Variants in NUP210 observed in about 807,000 individuals in gnomAD.
NUP210 encodes the protein nucleoporin 210.
In NUP210, 151 loss-of-function variants were observed where a neutral mutation model predicts 196.0. The ratio of observed to expected loss-of-function variants is 0.77; its 90% CI spans 0.67 to 0.88. NUP210 has a LOEUF of 0.88. NUP210 is among the 40% of genes least tolerant of loss of function. The pLI is 0.00. For synonymous variants in NUP210, 1,070 were observed against 1,052.7 expected, an observed-to-expected ratio of 1.02 and a Z score of -0.32; for missense variants, 2,314 against 2,493.7, an observed-to-expected ratio of 0.93 and a Z score of 1.53.
At chr3:13,318,164 G>A (rs976153080) in intron 39 of NUP210, among the ~76,000 whole-genome samples, 5 of 152,318 alleles carry the variant, frequency 3.3e-5, no homozygotes, top group African/African-American at 7.2e-5. Context: ...GCAGTGCTCC[G>A]GAGACCTTGC....
chr3:13,415,917 G>C (rs1449482217), intron 1 of NUP210, among the ~76,000 whole-genome samples: 4 of 152,280 alleles, frequency 2.6e-5, no homozygotes, highest in Non-Finnish European at 5.9e-5. Flanking sequence ...AGCTTCCCCT[G>C]CTGGGGCAGG....
At chr3:13,318,428 G>A (rs953456313) in intron 39 of NUP210, among the ~76,000 whole-genome samples, 4 of 152,230 alleles carry the variant, frequency 2.6e-5, no homozygotes, top group African/African-American at 9.6e-5. Flanking sequence ...AAAAATTCAG[G>A]GACCCCCCTG....
In NUP210 at chr3:13,341,841, G is replaced by A. The variant is rs2124861924; in HGVS notation, c.3135C>T (p.Leu1045=). Residue 1045 remains leucine, a synonymous_variant, in exon 23 of 40, where the codon CTC becomes CTT. Transcript: ENST00000254508. ...EALDNYTITF[L]IRGVAIGQTS... ...TCTGGCCGATGGCCACACCGCGGATGAGGAATGTGATGGTGTAGTTGTCAA... is the reference window on the plus strand; with the variant it reads ...TCTGGCCGATGGCCACACCGCGGATAAGGAATGTGATGGTGTAGTTGTCAA... 1 of 1,614,202 alleles carries A rather than the reference G, an allele frequency of 6.2e-7. No homozygotes were observed. Among genetic ancestry groups the A allele is most frequent in the Non-Finnish European group, 8.5e-7 (1 of 1,180,040 alleles).
rs750018694 is a variant in NUP210 at position 13,340,040 on chromosome 3, G to C, written c.3292-7C>G. 71 of 1,612,444 alleles carry C rather than the reference G, an allele frequency of 4.4e-5. No homozygotes were observed. Among genetic ancestry groups the C allele is most frequent in the Non-Finnish European group, 5.8e-5 (68 of 1,179,088 alleles). On this transcript the variant is annotated splice_region_variant and splice_polypyrimidine_tract_variant and intron_variant, in intron 24 of 39. Transcript: ENST00000254508. This position sits in a 1 kb window ranked among gnomAD's most constrained non-coding sequence, Gnocchi z 4.0. ...GGCCGCCCTCGGAGGTGACCTGAGC[G>C]GGGAGGAAACAGCGGCGTGTCAGTG... is the stretch of plus-strand genomic sequence containing the variant.
In NUP210 at chr3:13,340,013, G is replaced by C. The variant is rs752689833; in HGVS notation, c.3312C>G (p.Pro1104=). ...ATMQVTSEGG[P]QPQSNILFSI... is the part of the protein sequence containing the mutation. ...AGAAAAGGATGTTGGACTGAGGCTG[G>C]GGGCCGCCCTCGGAGGTGACCTGAG... is the stretch of plus-strand genomic sequence containing the variant. Residue 1104 remains proline (P), a synonymous_variant, in exon 25 of 40, where the codon CCC becomes CCG. Transcript: ENST00000254508. This position sits in a 1 kb window ranked among gnomAD's most constrained non-coding sequence, Gnocchi z 4.0. 6.2e-7 allele frequency: 1 copy of C among 1,613,970 alleles called. No homozygotes were observed. The highest frequency in any genetic ancestry group is 2.2e-5 in the East Asian group (1 of 44,890).
In NUP210 at chr3:13,371,021, G is replaced by A. The variant is rs112523451; in HGVS notation, c.1786+813C>T. On this transcript the variant is annotated intron_variant, in intron 13 of 39. Coordinates refer to ENST00000254508, the MANE Select transcript of NUP210 (RefSeq NM_024923.4). ...CCCACCTCTGGGCCCTGGTACAGGCGCCCCTGCTCACCAAATGGTGTCCCT... is the reference window on the plus strand; with the variant it reads ...CCCACCTCTGGGCCCTGGTACAGGCACCCCTGCTCACCAAATGGTGTCCCT... Among the ~76,000 whole-genome samples, 192 of 152,330 alleles carry A rather than the reference G, an allele frequency of 1.3e-3. 1 individual carries two copies. The highest frequency in any genetic ancestry group is 4.2e-3 in the African/African-American group (176 of 41,580).
chr3:13,404,128 C>T (rs1699927599), intron 1 of NUP210, among the ~76,000 whole-genome samples: 2 of 152,194 alleles, frequency 1.3e-5, no homozygotes, highest in Admixed American at 6.5e-5. Context: ...ATTTTGAGCC[C>T]ACCCATAGCT....
chr3:13,355,628 T>C (rs866223968), intron 16 of NUP210, among the ~76,000 whole-genome samples: 11 of 152,214 alleles, frequency 7.2e-5, no homozygotes, highest in Admixed American at 3.9e-4. Context: ...CCCAACTCCT[T>C]CTAGCTCTCT....
At position 13,337,932 on chromosome 3, in the gene NUP210, TGGCACTTAGGTGTGGGGATGC is replaced by T. The variant is rs1184293324; in HGVS notation, c.3472-36_3472-16del. 3 of 1,611,024 alleles carry T rather than the reference TGGCACTTAGGTGTGGGGATGC, an allele frequency of 1.9e-6. No homozygotes were observed. On this transcript the variant is annotated splice_polypyrimidine_tract_variant and intron_variant, in intron 25 of 39. Coordinates refer to ENST00000254508, the MANE Select transcript of NUP210 (RefSeq NM_024923.4). ...TGCACGAGGTCCTGGGGAAACAGGG[TGGCACTTAGGTGTGGGGATGC>T]AGTGCTGGCCAGGGATGTTTCAGGA... is the stretch of plus-strand genomic sequence containing the variant.
intron 12 of NUP210, 76 bp downstream of exon 12, chr3:13,373,642 C>A: frequency 6.7e-7 from 1 of 1,496,448 alleles, no homozygotes; most frequent in South Asian, 1.2e-5. Context: ...TGAGTGAAGT[C>A]GAGGCTTGCT....
intron 27 of NUP210, 143 bp from the exon 28 acceptor site, chr3:13,335,755 G>A (rs1576355257): frequency 1.0e-6 from 1 of 953,890 alleles, no homozygotes; most frequent in Non-Finnish European, 1.5e-6. Flanking sequence ...CTGCCTTCCT[G>A]CCTGGGTTGG....
chr3:13,402,108 G>T (rs1699857795), intron 1 of NUP210, among the ~76,000 whole-genome samples: 1 of 152,176 alleles, frequency 6.6e-6, no homozygotes, highest in South Asian at 2.1e-4. Flanking sequence ...CTGTGGGAGG[G>T]AGGATCCCTT....
chr3:13,415,936 C>G (rs539665084), intron 1 of NUP210, among the ~76,000 whole-genome samples: 4 of 152,270 alleles, frequency 2.6e-5, no homozygotes, highest in African/African-American at 7.2e-5. Context: ...GGGAGAGGGA[C>G]CCAGGACATC....
At chr3:13,362,357 G>T (rs1647828230) in intron 14 of NUP210, among the ~76,000 whole-genome samples, 1 of 152,134 alleles carries the variant, frequency 6.6e-6, no homozygotes, top group Non-Finnish European at 1.5e-5. Flanking sequence ...TGCTGTGGGG[G>T]TCAGCATTTC....
At chr3:13,384,679 C>T (rs1316663599) in intron 6 of NUP210, among the ~76,000 whole-genome samples, 2 of 152,264 alleles carry the variant, frequency 1.3e-5, no homozygotes, top group African/African-American at 2.4e-5. Context: ...GCTCTCCAAG[C>T]GTCTTCCTTC....
chr3:13,352,285 G>T, intron 18 of NUP210, 101 bp from the exon 19 acceptor site: 1 of 802,164 alleles, frequency 1.2e-6, no homozygotes, highest in Non-Finnish European at 2.0e-6. Context: ...CTTGCTCCTG[G>T]CCACAAGCCC....
rs1196235746 is a variant in NUP210 at position 13,377,638 on chromosome 3, C to T, written c.1046-76G>A. 1.4e-5 allele frequency: 15 copies of T among 1,070,028 alleles called. No individual in the cohort carries two copies. The Admixed American group carries it at 1.6e-4, about 12-fold the overall frequency. 66.3% of individuals were successfully genotyped at this position (1,070,028 alleles called of 1,614,324 possible). A position where few individuals can be genotyped will look rare whatever the true frequency, so the allele number is the denominator to read the frequency against. ...TGGAGGAGGATGGGACCACCACCCT[C>T]AGCACAGGGGCCCTCAGCATCCACA... On this transcript the variant is annotated intron_variant, in intron 8 of 39. Transcript: ENST00000254508.
intron 13 of NUP210, among the ~76,000 whole-genome samples, chr3:13,368,606 G>C (rs779638339): frequency 6.6e-6 from 1 of 152,042 alleles, no homozygotes; most frequent in Non-Finnish European, 1.5e-5. Context: ...TCCAGTCCCT[G>C]GCCACTACCA....
chr3:13,316,606 C>A lies in NUP210; in HGVS notation c.*1075G>T, dbSNP rs1190748778. The A allele has an allele frequency of 6.6e-6, 1 of 152,282 alleles. No individual in the cohort carries two copies. Among genetic ancestry groups the A allele is most frequent in the South Asian group, 2.1e-4 (1 of 4,834 alleles). 9.4% of individuals were successfully genotyped at this position (152,282 alleles called of 1,614,324 possible). ...TCCCCCAGGCCCTGGGGAGTCCCTT[C>A]TGGATGGGCAGGCCCTGGGCTGGCG... On this transcript the variant is annotated 3_prime_UTR_variant, in exon 40 of 40. Coordinates refer to ENST00000254508, the MANE Select transcript of NUP210 (RefSeq NM_024923.4).
Sources: allele counts gnomAD v4.1 joint callset (sites outside exome capture counted in the v4.1 genomes callset), GRCh38; gene constraint gnomAD v4.1.1; non-coding constraint Gnocchi (gnomAD v3.1); transcripts MANE v1.5; gene names NCBI Gene and HGNC (gene_info 2026-07-23, HGNC 2026-07-21).